NRCAM: variants seen among roughly 807,000 people sequenced by gnomAD.
NRCAM encodes the protein NgCAM-related cell adhesion molecule.
A neutral mutation model predicts 156.5 loss-of-function variants in NRCAM; 83 were observed. That is an observed-to-expected ratio of 0.53 (90% CI 0.44 to 0.64). The LOEUF (loss-of-function observed/expected upper bound fraction) is 0.64, where lower values mean the gene tolerates loss of function less well. Among genes scored for constraint, NRCAM ranks in the 30% least tolerant of loss-of-function variants. The pLI is 0.00. For synonymous variants in NRCAM, 538 were observed against 563.9 expected, an observed-to-expected ratio of 0.95 and a Z score of 0.65; for missense variants, 1,417 against 1,597.3, an observed-to-expected ratio of 0.89 and a Z score of 1.92.
chr7:108,360,061 G>A (rs909246055), intron 2 of NRCAM, among the ~76,000 whole-genome samples: 8 of 152,174 alleles, frequency 5.3e-5, no homozygotes, highest in Non-Finnish European at 1.2e-4. Flanking sequence ...GATTATAACT[G>A]TACTTTGGAT....
At chr7:108,160,107 T>G (rs969941715) in intron 31 of NRCAM, among the ~76,000 whole-genome samples, 1 of 152,194 alleles carries the variant, frequency 6.6e-6, no homozygotes, top group East Asian at 1.9e-4. Flanking sequence ...ATAACCTATG[T>G]GGAGTCTAAG....
At chr7:108,247,526 A>G (rs2096027516) in intron 3 of NRCAM, among the ~76,000 whole-genome samples, 1 of 144,938 alleles carries the variant, frequency 6.9e-6, no homozygotes, top group South Asian at 2.3e-4. Context: ...TAGTCAGAAT[A>G]AATAGAAGGT....
intron 3 of NRCAM, among the ~76,000 whole-genome samples, chr7:108,303,680 T>G (rs1563183485): frequency 6.6e-6 from 1 of 151,872 alleles, no homozygotes; most frequent in Non-Finnish European, 1.5e-5. Context: ...TTGGAGTGTA[T>G]CTACTACATG....
intron 8 of NRCAM, among the ~76,000 whole-genome samples, chr7:108,230,020 A>G (rs1317616931): frequency 6.6e-6 from 1 of 152,204 alleles, no homozygotes; most frequent in African/African-American, 2.4e-5. Flanking sequence ...ACCCATGTTA[A>G]GCCCTTAGTA....
At chr7:108,166,323 C>T (rs180709220) in intron 30 of NRCAM, among the ~76,000 whole-genome samples, 9 of 151,276 alleles carry the variant, frequency 5.9e-5, no homozygotes, top group Admixed American at 5.9e-4. Flanking sequence ...TCTTGGCTCA[C>T]CGCAACCTCT....
At chr7:108,207,401 C>T (rs2081731076) in intron 13 of NRCAM, 127 bp downstream of exon 13, 4 of 825,874 alleles carry the variant, frequency 4.8e-6, no homozygotes, top group African/African-American at 1.7e-5. Context: ...AATTTGGTGC[C>T]TGTGTTTAAC....
In NRCAM at chr7:108,245,690, A is replaced by T. The variant is rs73725400; in HGVS notation, c.-106-5520T>A. ...CCAGAGAGAGTTCAGGCATAAAGAA[A>T]CATAAAAATATATTAAGCAATAATT... On this transcript the variant is annotated intron_variant, in intron 3 of 32. Coordinates refer to ENST00000379028, the MANE Select transcript of NRCAM (RefSeq NM_001037132.4). Among the ~76,000 whole-genome samples, 141 of 152,324 alleles carry T rather than the reference A, an allele frequency of 9.3e-4. 2 individuals are homozygous for T. Among genetic ancestry groups the T allele is most frequent in the African/African-American group, 3.1e-3 (127 of 41,572 alleles).
chr7:108,181,396 A>G (rs1172834034), intron 24 of NRCAM, among the ~76,000 whole-genome samples: 2 of 152,126 alleles, frequency 1.3e-5, no homozygotes, highest in African/African-American at 4.8e-5. Flanking sequence ...AGAATGACCT[A>G]GCTAAGAGTA....
chr7:108,345,648 C>A (rs144578660), intron 2 of NRCAM, among the ~76,000 whole-genome samples: 11 of 152,272 alleles, frequency 7.2e-5, no homozygotes, highest in African/African-American at 2.6e-4. Flanking sequence ...GAGGTGAGCT[C>A]TCCACCATAT....
Position 108,194,475 on chromosome 7 carries a change from T to C in NRCAM, c.1464-47A>G, listed in dbSNP as rs766351069. On this transcript the variant is annotated intron_variant, in intron 15 of 32. Transcript: ENST00000379028. ...AATGAGAATAAAAACACATTATATTTTGAAGTCAGACATAAAATGCCATGT... is the reference window on the plus strand; with the variant it reads ...AATGAGAATAAAAACACATTATATTCTGAAGTCAGACATAAAATGCCATGT... 3 of 1,362,882 alleles carry C rather than the reference T, an allele frequency of 2.2e-6. No individual in the cohort carries two copies. In the East Asian group the frequency reaches 7.0e-5, roughly 32 times the overall value. The allele number at this position is 1,362,882 out of a possible 1,614,324, so 84.4% of individuals were successfully genotyped here. A position where few individuals can be genotyped will look rare whatever the true frequency, so the allele number is the denominator to read the frequency against.
intron 11 of NRCAM, among the ~76,000 whole-genome samples, chr7:108,210,264 T>TTTA (rs2083420041): frequency 2.0e-5 from 3 of 151,420 alleles, no homozygotes; most frequent in African/African-American, 7.3e-5. Context: ...TTTTTTTTTT[T>TTTA]GAGATGGAGT....
At chr7:108,414,964 C>T (rs1028493442) in intron 1 of NRCAM, among the ~76,000 whole-genome samples, 17 of 152,042 alleles carry the variant, frequency 1.1e-4, no homozygotes, top group Admixed American at 2.0e-4. Context: ...GGGTTCATAG[C>T]AGAGGGCTGT....
intron 3 of NRCAM, among the ~76,000 whole-genome samples, chr7:108,266,585 A>G (rs1266736480): frequency 3.9e-5 from 6 of 152,228 alleles, no homozygotes; most frequent in African/African-American, 1.4e-4. Flanking sequence ...AGTTCAAATC[A>G]GATCCAGTGT....
At chr7:108,159,679 G>A in intron 31 of NRCAM, 138 bp from the exon 32 acceptor site, 1 of 629,402 alleles carries the variant, frequency 1.6e-6, no homozygotes, top group Non-Finnish European at 2.8e-6. Context: ...CATATATATG[G>A]TGGCCATGCA....
intron 1 of NRCAM, among the ~76,000 whole-genome samples, chr7:108,433,112 T>G (rs1793870336): frequency 6.6e-6 from 1 of 152,166 alleles, no homozygotes; most frequent in Non-Finnish European, 1.5e-5. Flanking sequence ...AGGCTCTCTT[T>G]GTTCCCACCC....
intron 1 of NRCAM, among the ~76,000 whole-genome samples, chr7:108,441,724 A>G (rs531732608): frequency 6.6e-6 from 1 of 152,344 alleles, no homozygotes; most frequent in South Asian, 2.1e-4. Flanking sequence ...AAATGAGTAT[A>G]ATAGCATAAA....
chr7:108,333,066 T>C (rs943429400), intron 2 of NRCAM, among the ~76,000 whole-genome samples: 8 of 152,206 alleles, frequency 5.3e-5, no homozygotes, highest in Non-Finnish European at 8.8e-5. Context: ...GCTCAAGTAA[T>C]GTCCAAATCA....
At position 108,359,205 on chromosome 7, in the gene NRCAM, T is replaced by G. The variant is rs1265911710; in HGVS notation, c.-174+40231A>C. Among the ~76,000 whole-genome samples the G allele has an allele frequency of 2.0e-5, 3 of 152,196 alleles. No homozygotes were observed. The East Asian group carries it at 5.8e-4, about 29-fold the overall frequency. ...TCCATTTAATCAATGCTTATCTAGG[T>G]CCTATGGGAGACAGAAATGAAGCAG... is the stretch of plus-strand genomic sequence containing the variant. On this transcript the variant is annotated intron_variant, in intron 2 of 32. Coordinates refer to ENST00000379028, the MANE Select transcript of NRCAM (RefSeq NM_001037132.4).
At chr7:108,173,455 T>C (rs751338711) in intron 28 of NRCAM, among the ~76,000 whole-genome samples, 3 of 152,152 alleles carry the variant, frequency 2.0e-5, no homozygotes, top group Non-Finnish European at 2.9e-5. Context: ...AGCAGTTAAA[T>C]TCCATATGGA....
Sources: gnomAD v4.1 joint callset for allele counts (sites outside exome capture counted in the v4.1 genomes callset) on GRCh38, gnomAD v4.1.1 for gene constraint, MANE v1.5 for transcripts, NCBI Gene and HGNC (gene_info 2026-07-23, HGNC 2026-07-21) for gene names.